VEPH1: variants seen among roughly 807,000 people sequenced by gnomAD.
The protein encoded by VEPH1 is ventricular zone-expressed PH domain-containing protein homolog 1.
Under a neutral mutation model 85.2 loss-of-function variants are expected in VEPH1, and 80 were observed. The ratio of observed to expected loss-of-function variants is 0.94; its 90% confidence interval spans 0.78 to 1.13. The LOEUF (loss-of-function observed/expected upper bound fraction) is 1.13, where lower values mean the gene tolerates loss of function less well. Ranked by LOEUF, VEPH1 falls within the 50% of genes most tolerant of loss-of-function variation. The probability of loss-of-function intolerance (pLI) is 0.00; values close to 1 mark genes in which losing one functional copy is unlikely to be tolerated. For synonymous variants in VEPH1, 297 were observed against 348.0 expected (o/e 0.85, Z 1.63); for missense variants, 955 against 980.5 (o/e 0.97, Z 0.35).
intron 5 of VEPH1, among the ~76,000 whole-genome samples, chr3:157,418,236 G>T (rs1732066227): frequency 6.6e-6 from 1 of 152,126 alleles, no homozygotes; most frequent in Non-Finnish European, 1.5e-5. Context: ...AAACCAAGTA[G>T]CCCAGGGTAG....
At chr3:157,435,584 C>T (rs1477443751) in intron 4 of VEPH1, among the ~76,000 whole-genome samples, 1 of 152,178 alleles carries the variant, frequency 6.6e-6, no homozygotes, top group Non-Finnish European at 1.5e-5. Context: ...AGCTTTGCTT[C>T]CACATGGTCA....
intron 6 of VEPH1, among the ~76,000 whole-genome samples, chr3:157,391,479 C>T (rs925019855): frequency 6.6e-6 from 1 of 152,128 alleles, no homozygotes; most frequent in African/African-American, 2.4e-5. Context: ...GGACTGATGG[C>T]GGGATGCCAT....
intron 13 of VEPH1, 107 bp from the exon 14 acceptor site, chr3:157,261,477 G>A: frequency 2.0e-6 from 3 of 1,512,390 alleles, no homozygotes; most frequent in Non-Finnish European, 1.8e-6. Context: ...CACTTTTTAT[G>A]TCTCAAGACC....
At chr3:157,263,637 G>A (rs1296711232) in intron 13 of VEPH1, among the ~76,000 whole-genome samples, 1 of 152,126 alleles carries the variant, frequency 6.6e-6, no homozygotes, top group Non-Finnish European at 1.5e-5. Context: ...AAGATGTTCA[G>A]CTACAGAAAA....
intron 4 of VEPH1, among the ~76,000 whole-genome samples, chr3:157,434,080 T>A (rs1224170771): frequency 6.6e-6 from 1 of 152,218 alleles, no homozygotes; most frequent in African/African-American, 2.4e-5. Flanking sequence ...TTCAGAGATA[T>A]CTTCCTGTTA....
At chr3:157,349,910 CAGA>C (rs1724674838) in intron 9 of VEPH1, among the ~76,000 whole-genome samples, 1 of 151,978 alleles carries the variant, frequency 6.6e-6, no homozygotes, top group Non-Finnish European at 1.5e-5. Flanking sequence ...CCATGCTCAT[CAGA>C]AGAATTAATA....
At chr3:157,370,253 G>T (rs1500916) in intron 7 of VEPH1, among the ~76,000 whole-genome samples, 20 of 152,138 alleles carry the variant, frequency 1.3e-4, no homozygotes, top group African/African-American at 4.8e-4. Flanking sequence ...CTCACTAAGC[G>T]GGGAGATGAG....
At chr3:157,457,138 C>T (rs2316348) in intron 4 of VEPH1, among the ~76,000 whole-genome samples, 8 of 152,036 alleles carry the variant, frequency 5.3e-5, no homozygotes, top group African/African-American at 1.9e-4. Flanking sequence ...GTGTGTGTGG[C>T]ACTTGTAAAT....
chr3:157,439,940 CG>C (rs1332098760), intron 4 of VEPH1, among the ~76,000 whole-genome samples: 1 of 152,024 alleles, frequency 6.6e-6, no homozygotes, highest in Non-Finnish European at 1.5e-5. Flanking sequence ...TTAGTAGAGA[CG>C]GGGTTTCACC....
intron 4 of VEPH1, among the ~76,000 whole-genome samples, chr3:157,433,104 T>C (rs1317726528): frequency 3.3e-5 from 5 of 152,180 alleles, no homozygotes; most frequent in African/African-American, 1.2e-4. Context: ...TCAGTTCTTA[T>C]TAATATGTCT....
chr3:157,422,778 T>C (rs963807802), intron 5 of VEPH1, among the ~76,000 whole-genome samples: 3 of 152,230 alleles, frequency 2.0e-5, no homozygotes, highest in Non-Finnish European at 4.4e-5. Flanking sequence ...CCCTTTATTC[T>C]TATTGTGTCT....
intron 4 of VEPH1, among the ~76,000 whole-genome samples, chr3:157,447,162 A>G (rs760651673): frequency 1.2e-4 from 19 of 152,216 alleles, no homozygotes; most frequent in Non-Finnish European, 2.5e-4. Context: ...TGGGTAAGTC[A>G]TTTTCAGAGT....
chr3:157,436,976 G>A, intron 4 of VEPH1: 1 of 1,614,136 alleles, frequency 6.2e-7, no homozygotes, highest in Non-Finnish European at 8.5e-7. Flanking sequence ...CTGGTCTGCA[G>A]TGTTGGCCGA....
At position 157,294,020 on chromosome 3, in the gene VEPH1, A is replaced by AT. The variant is rs575135966; in HGVS notation, c.2011-7347dup. Reference sequence around the variant, plus strand: ...TAGTGCAAAGCAAAGAATTGCAGTGATTTTTTTTTCTAATTGATTACTGCC... The same window carrying AT: ...TAGTGCAAAGCAAAGAATTGCAGTGATTTTTTTTTTCTAATTGATTACTGCC... On this transcript the variant is annotated intron_variant, in intron 11 of 13. Transcript: ENST00000362010. 5.2e-4 allele frequency among the ~76,000 whole-genome samples: 79 copies of AT among 151,920 alleles called. No homozygotes were observed. The Middle Eastern group carries it at 0.01, about 20-fold the overall frequency.
intron 6 of VEPH1, among the ~76,000 whole-genome samples, chr3:157,395,868 C>A (rs946956749): frequency 6.6e-6 from 1 of 152,124 alleles, no homozygotes; most frequent in Non-Finnish European, 1.5e-5. Flanking sequence ...TCTTCCCACC[C>A]TCCCGCCTCA....
intron 4 of VEPH1, chr3:157,459,585 C>T: frequency 8.6e-7 from 1 of 1,165,810 alleles, no homozygotes. Flanking sequence ...TTTGATTGAT[C>T]TGAAACCAAA....
rs369186440 is a variant in VEPH1, at chr3:157,324,301, G to T, written c.1736-7100C>A. 8.0e-4 allele frequency among the ~76,000 whole-genome samples: 122 copies of T among 152,036 alleles called. 2 individuals carry two copies. In the South Asian group the frequency reaches 0.015, roughly 18 times the overall value. Reference sequence around the variant, plus strand: ...TTGAACTCCTGACCTCAGGTGATCCGCCCACCTCAGCCTCCCAAAGTTCTG... The same window carrying T: ...TTGAACTCCTGACCTCAGGTGATCCTCCCACCTCAGCCTCCCAAAGTTCTG... On this transcript the variant is annotated intron_variant, in intron 9 of 13. Coordinates refer to ENST00000362010, the MANE Select transcript of VEPH1 (RefSeq NM_001167912.2).
At chr3:157,285,447 T>G (rs1171681973) in intron 12 of VEPH1, among the ~76,000 whole-genome samples, 3 of 152,210 alleles carry the variant, frequency 2.0e-5, no homozygotes, top group Non-Finnish European at 4.4e-5. Flanking sequence ...ATCTTGGCAG[T>G]TAACAAGAGG....
At chr3:157,401,918 C>A (rs1730819930) in intron 6 of VEPH1, among the ~76,000 whole-genome samples, 1 of 152,120 alleles carries the variant, frequency 6.6e-6, no homozygotes, top group African/African-American at 2.4e-5. Flanking sequence ...AATATGCTTG[C>A]CTGGAGAAAA....
Sources: gnomAD v4.1 joint callset for allele counts (sites outside exome capture counted in the v4.1 genomes callset) on GRCh38, gnomAD v4.1.1 for gene constraint, MANE v1.5 for transcripts, NCBI Gene and HGNC (gene_info 2026-07-23, HGNC 2026-07-21) for gene names.